SLC37A2: variants seen among roughly 807,000 people sequenced by gnomAD.
SLC37A2 encodes solute carrier family 37 member 2, also known as glucose-6-phosphate exchanger SLC37A2.
A neutral mutation model predicts 70.7 loss-of-function variants in SLC37A2; 59 were observed. The observed-to-expected ratio is 0.83, with a 90% CI of 0.68 to 1.04. The LOEUF (loss-of-function observed/expected upper bound fraction) is 1.04, where lower values mean the gene tolerates loss of function less well. SLC37A2 is among the 50% of genes least tolerant of loss of function. The pLI, the probability that SLC37A2 is intolerant of heterozygous loss-of-function variation, is 0.00. For missense variants in SLC37A2, 580 were observed against 658.1 expected (o/e 0.88, Z 1.30); for synonymous variants, 257 against 262.1 (o/e 0.98, Z 0.19).
intron 6 of SLC37A2, 26 bp downstream of exon 6, chr11:125,079,786 G>A (rs944683476): frequency 6.8e-5 from 106 of 1,554,458 alleles, no homozygotes; most frequent in Non-Finnish European, 9.1e-5. Flanking sequence ...GAGGAGGAGT[G>A]GGAAGGATTG....
rs1262441424 is a variant in SLC37A2 at position 125,081,897 on chromosome 11, C to G, written c.876C>G (p.Leu292=). The G allele has an allele frequency of 6.2e-7, 1 of 1,605,114 alleles. No individual in the cohort carries two copies. The change falls in exon 9 of 18, where the codon CTC becomes CTG. Residue 292 remains leucine, a synonymous_variant. Coordinates refer to ENST00000403796, the MANE Select transcript of SLC37A2 (RefSeq NM_001145290.2). ...CTGCCATCAGCTTCTTTGGGGCGCT[C>G]CGGATCCCAGTAAGAAGTTTGTGGA... ...EPAAISFFGA[L]RIPGVVEFSL...
chr11:125,088,251 TAGCC>T lies in SLC37A2; in HGVS notation c.*122_*125del. 1 of 1,253,452 alleles carries T rather than the reference TAGCC, an allele frequency of 8.0e-7. No homozygotes were observed. The highest frequency in any genetic ancestry group is 1.5e-5 in the African/African-American group (1 of 67,000). 77.6% of individuals were successfully genotyped at this position (1,253,452 alleles called of 1,614,324 possible). A position where few individuals can be genotyped will look rare whatever the true frequency, so the allele number is the denominator to read the frequency against. On this transcript the variant is annotated 3_prime_UTR_variant, in exon 18 of 18. Coordinates refer to ENST00000403796, the MANE Select transcript of SLC37A2 (RefSeq NM_001145290.2). ...AAGGCAAACCCTCTTTATTGAACAT[TAGCC>T]AGCCCAGCCCAGACCCCAGGGCTGC...
intron 17 of SLC37A2, 110 bp from the exon 18 acceptor site, chr11:125,088,009 G>A (rs1949241409): frequency 8.4e-7 from 1 of 1,196,932 alleles, no homozygotes; most frequent in African/African-American, 1.5e-5. Flanking sequence ...GAACTGAGAT[G>A]AAAGCAATGA....
chr11:125,079,559 T>C, intron 5 of SLC37A2, 125 bp from the exon 6 acceptor site: 1 of 719,772 alleles, frequency 1.4e-6, no homozygotes, highest in East Asian at 2.7e-5. Context: ...GGGTAAGGTT[T>C]GTAGTGTGGG....
At chr11:125,069,752 G>T (rs1002227724) in intron 1 of SLC37A2, among the ~76,000 whole-genome samples, 4 of 152,366 alleles carry the variant, frequency 2.6e-5, no homozygotes, top group South Asian at 4.1e-4. Context: ...GTCATGTGGC[G>T]CCAGGTGTGT....
In SLC37A2 at chr11:125,085,010, G is replaced by A. The variant is rs1374964582; in HGVS notation, c.1175-56G>A. 2.5e-6 allele frequency: 4 copies of A among 1,599,936 alleles called. No individual in the cohort carries two copies. In the African/African-American group the frequency reaches 5.4e-5, roughly 21 times the overall value. ...AGGCTGGAGAGTGCTCCTGCCTTGG[G>A]GTTGGGGCTGCGGGTGGTGCTGCTT... On this transcript the variant is annotated intron_variant, in intron 13 of 17. Coordinates refer to ENST00000403796, the MANE Select transcript of SLC37A2 (RefSeq NM_001145290.2).
At position 125,063,633 on chromosome 11, in the gene SLC37A2, C is replaced by T. The variant is rs577589406; in HGVS notation, c.59+207C>T. Among the ~76,000 whole-genome samples, 10 of 152,194 alleles carry T rather than the reference C, an allele frequency of 6.6e-5. No homozygotes were observed. Among genetic ancestry groups the T allele is most frequent in the Non-Finnish European group, 1.0e-4 (7 of 68,036 alleles). On this transcript the variant is annotated intron_variant, in intron 1 of 17. Coordinates refer to ENST00000403796, the MANE Select transcript of SLC37A2 (RefSeq NM_001145290.2). This position sits in a 1 kb window ranked among gnomAD's most constrained non-coding sequence, Gnocchi z 5.4. Reference sequence around the variant, plus strand: ...CTGCCCAACTCCGCCCGCGCTCCCCCAGACCCCGCGACGCTGGCTCGGTGA... The same window carrying T: ...CTGCCCAACTCCGCCCGCGCTCCCCTAGACCCCGCGACGCTGGCTCGGTGA...
intron 14 of SLC37A2, 64 bp from the exon 15 acceptor site, chr11:125,085,331 C>G: frequency 2.0e-6 from 3 of 1,521,124 alleles, no homozygotes; most frequent in Non-Finnish European, 2.7e-6. Flanking sequence ...CAGCCCCTCT[C>G]CTGTCCTGGT....
chr11:125,075,515 GT>G (rs1438291234), intron 1 of SLC37A2, among the ~76,000 whole-genome samples: 1 of 152,212 alleles, frequency 6.6e-6, no homozygotes, highest in African/African-American at 2.4e-5. Flanking sequence ...AGACTACACT[GT>G]TGCACCTTCA....
intron 4 of SLC37A2, among the ~76,000 whole-genome samples, chr11:125,078,218 C>G (rs561685629): frequency 6.6e-6 from 1 of 152,152 alleles, no homozygotes; most frequent in African/African-American, 2.4e-5. Flanking sequence ...CGGGAGGAAC[C>G]GCGGGCAGGT....
chr11:125,079,534 A>G (rs1949125309), intron 5 of SLC37A2, 150 bp from the exon 6 acceptor site: 2 of 660,106 alleles, frequency 3.0e-6, no homozygotes, highest in Non-Finnish European at 5.3e-6. Context: ...GAGGTGTGGC[A>G]TGTGTGTAAG....
chr11:125,081,467 G>A lies in SLC37A2; in HGVS notation c.732+9G>A, dbSNP rs200124200. On this transcript the variant is annotated intron_variant, in intron 8 of 17. Coordinates refer to ENST00000403796, the MANE Select transcript of SLC37A2 (RefSeq NM_001145290.2). ...CCCCTCCTCAGCACCACGTGAGTGTGAGCCCTCCCAGCCCTATCCCTGCCC... is the reference window on the plus strand; with the variant it reads ...CCCCTCCTCAGCACCACGTGAGTGTAAGCCCTCCCAGCCCTATCCCTGCCC... 2.6e-4 allele frequency: 419 copies of A among 1,608,968 alleles called. 1 individual carries two copies. Among genetic ancestry groups the A allele is most frequent in the Admixed American group, 1.3e-4 (8 of 59,474 alleles).
At chr11:125,064,497 T>C (rs552855963) in intron 1 of SLC37A2, among the ~76,000 whole-genome samples, 8 of 152,308 alleles carry the variant, frequency 5.3e-5, no homozygotes, top group Admixed American at 1.3e-4. Flanking sequence ...TGTCCTGGTT[T>C]TGAAACAGTC....
intron 1 of SLC37A2, among the ~76,000 whole-genome samples, chr11:125,074,179 A>G (rs1311936555): frequency 2.0e-5 from 3 of 151,858 alleles, no homozygotes; most frequent in African/African-American, 7.3e-5. Flanking sequence ...TCCCTGCCCC[A>G]GCTGTGGTTG....
intron 10 of SLC37A2, among the ~76,000 whole-genome samples, chr11:125,082,885 C>T (rs1405996857): frequency 6.6e-6 from 1 of 152,194 alleles, no homozygotes; most frequent in Non-Finnish European, 1.5e-5. Context: ...CCCGTCTGCT[C>T]CTGCCCAGGG....
In SLC37A2 at chr11:125,076,805, T is replaced by C. The variant is rs1212288200; in HGVS notation, c.108T>C (p.Tyr36=). 1 of 1,614,154 alleles carries C rather than the reference T, an allele frequency of 6.2e-7. No individual in the cohort carries two copies. The highest frequency in any genetic ancestry group is 1.1e-5 in the South Asian group (1 of 91,082). Reference sequence around the variant, plus strand: ...TGACCTTCCTAATTTACGCCTGCTATCACATGTCCAGGAAGCCTATCAGTA... The same window carrying C: ...TGACCTTCCTAATTTACGCCTGCTACCACATGTCCAGGAAGCCTATCAGTA... ...LLLTFLIYAC[Y]HMSRKPISIV... Residue 36 remains tyrosine, a synonymous_variant, in exon 2 of 18, where the codon TAT becomes TAC. Transcript: ENST00000403796.
At chr11:125,064,184 C>T (rs1948959079) in intron 1 of SLC37A2, among the ~76,000 whole-genome samples, 1 of 152,162 alleles carries the variant, frequency 6.6e-6, no homozygotes, top group African/African-American at 2.4e-5. Context: ...TAGCTAGATT[C>T]CAGACTTCTC....
intron 5 of SLC37A2, 84 bp from the exon 6 acceptor site, chr11:125,079,600 A>G: frequency 2.7e-6 from 3 of 1,111,402 alleles, no homozygotes; most frequent in Non-Finnish European, 3.9e-6. Flanking sequence ...ACGAAATTGA[A>G]CCTCCTCAGC....
At chr11:125,073,250 C>T (rs1949048185) in intron 1 of SLC37A2, among the ~76,000 whole-genome samples, 1 of 152,296 alleles carries the variant, frequency 6.6e-6, no homozygotes, top group African/African-American at 2.4e-5. Flanking sequence ...TGTGTCCCAC[C>T]GTAGGCTCCC....
Sources: allele counts gnomAD v4.1 joint callset (sites outside exome capture counted in the v4.1 genomes callset), GRCh38; gene constraint gnomAD v4.1.1; non-coding constraint Gnocchi (gnomAD v3.1); transcripts MANE v1.5; gene names NCBI Gene and HGNC (gene_info 2026-07-23, HGNC 2026-07-21).